The following CORIN variants were observed in gnomAD, a reference collection of about 807,000 sequenced individuals.
The protein encoded by CORIN is corin, serine peptidase, also known as atrial natriuretic peptide-converting enzyme.
Under a neutral mutation model 125.3 loss-of-function variants are expected in CORIN, and 117 were observed. The ratio of observed to expected loss-of-function variants is 0.93; its 90% CI spans 0.80 to 1.09. The LOEUF is 1.09. Among genes scored for constraint, CORIN ranks in the 50% least tolerant of loss-of-function variants. The pLI is 0.00. For synonymous variants in CORIN, 450 were observed against 466.4 expected (o/e 0.96, Z 0.45); for missense variants, 1,253 against 1,306.7 (o/e 0.96, Z 0.63).
At chr4:47,669,087 A>G (rs1277618590) in intron 10 of CORIN, among the ~76,000 whole-genome samples, 1 of 152,192 alleles carries the variant, frequency 6.6e-6, no homozygotes, top group African/African-American at 2.4e-5. Flanking sequence ...TGCTTCCGAT[A>G]TAAGTTTGAT....
At chr4:47,730,355 C>T (rs1431632547) in intron 5 of CORIN, among the ~76,000 whole-genome samples, 4 of 151,852 alleles carry the variant, frequency 2.6e-5, no homozygotes, top group Non-Finnish European at 5.9e-5. Context: ...TGCCTGTAGT[C>T]CTAGCTACTC....
intron 12 of CORIN, among the ~76,000 whole-genome samples, chr4:47,659,175 C>T (rs1038008788): frequency 3.9e-5 from 6 of 152,318 alleles, no homozygotes; most frequent in South Asian, 2.1e-4. Context: ...ATATCACTAT[C>T]GGAATTTTGG....
At chr4:47,816,109 C>G (rs1440283853) in intron 1 of CORIN, among the ~76,000 whole-genome samples, 1 of 152,174 alleles carries the variant, frequency 6.6e-6, no homozygotes, top group African/African-American at 2.4e-5. Context: ...ATTTTATGCT[C>G]TACAACAATT....
At chr4:47,664,909 T>A in intron 11 of CORIN, 123 bp downstream of exon 11, 1 of 587,760 alleles carries the variant, frequency 1.7e-6, no homozygotes, top group Admixed American at 3.3e-5. Context: ...TTGTTAAATA[T>A]AAAGTATTTG....
intron 5 of CORIN, among the ~76,000 whole-genome samples, chr4:47,722,162 A>C (rs1400255217): frequency 6.6e-6 from 1 of 152,224 alleles, no homozygotes; most frequent in Non-Finnish European, 1.5e-5. Flanking sequence ...TTCACACATA[A>C]GTTATCACTG....
intron 3 of CORIN, among the ~76,000 whole-genome samples, chr4:47,783,013 G>A (rs1315916516): frequency 2.0e-5 from 3 of 151,922 alleles, no homozygotes; most frequent in Non-Finnish European, 4.4e-5. Flanking sequence ...TATCAAAGAT[G>A]TGATAAGAGA....
chr4:47,602,129 G>C (rs1457522689), intron 20 of CORIN, among the ~76,000 whole-genome samples: 8 of 151,928 alleles, frequency 5.3e-5, no homozygotes, highest in Admixed American at 5.2e-4. Context: ...AAATTAGCCA[G>C]GCGTCATGGC....
At chr4:47,677,683 C>T (rs568082565) in intron 9 of CORIN, among the ~76,000 whole-genome samples, 5 of 152,284 alleles carry the variant, frequency 3.3e-5, no homozygotes, top group East Asian at 1.9e-4. Context: ...CTTTCCCCAT[C>T]GAACAGTTAA....
At chr4:47,644,086 C>T (rs1450733885) in intron 14 of CORIN, among the ~76,000 whole-genome samples, 2 of 152,160 alleles carry the variant, frequency 1.3e-5, no homozygotes, top group African/African-American at 4.8e-5. Context: ...GTTCTCCCTG[C>T]GTGGTGCTTC....
At chr4:47,725,246 CT>C (rs906924676) in intron 5 of CORIN, among the ~76,000 whole-genome samples, 27 of 148,632 alleles carry the variant, frequency 1.8e-4, no homozygotes, top group African/African-American at 3.2e-4. Context: ...TTTTGGAACA[CT>C]TTTTTTTTTG....
At chr4:47,831,861 T>C (rs1577961031) in intron 1 of CORIN, among the ~76,000 whole-genome samples, 1 of 151,980 alleles carries the variant, frequency 6.6e-6, no homozygotes, top group Non-Finnish European at 1.5e-5. Context: ...AAATCCAATA[T>C]GACTGATGTT....
rs114268327 is a variant in CORIN at position 47,799,823 on chromosome 4, A to C, written c.208+7080T>G. On this transcript the variant is annotated intron_variant, in intron 2 of 21. Transcript: ENST00000273857. Reference sequence around the variant, plus strand: ...ACAAATATTCATAACAGGATTATAGATAATAGCCAAAAGGTGGAAATAACC... The same window carrying C: ...ACAAATATTCATAACAGGATTATAGCTAATAGCCAAAAGGTGGAAATAACC... Among the ~76,000 whole-genome samples the C allele has an allele frequency of 7.5e-3, 1,137 of 152,332 alleles. 13 individuals are homozygous for C. Among genetic ancestry groups the C allele is most frequent in the African/African-American group, 0.026 (1,074 of 41,568 alleles).
At chr4:47,733,982 A>T (rs936127372) in intron 5 of CORIN, among the ~76,000 whole-genome samples, 1 of 152,142 alleles carries the variant, frequency 6.6e-6, no homozygotes, top group African/African-American at 2.4e-5. Context: ...CTCTGGAAAG[A>T]CACGTGAGAG....
Position 47,739,987 on chromosome 4 carries a change from CA to C in CORIN, c.799+4414del, listed in dbSNP as rs1381428012. Among the ~76,000 whole-genome samples, 8 of 151,540 alleles carry C rather than the reference CA, an allele frequency of 5.3e-5. 1 individual carries two copies. Among genetic ancestry groups the C allele is most frequent in the South Asian group, 4.2e-4 (2 of 4,788 alleles). ...ATGGCACACCCCAATATATCTAACA[CA>C]AAAAAAGTCAGTAATGAAGGATCAA... On this transcript the variant is annotated intron_variant, in intron 5 of 21. Transcript: ENST00000273857.
At chr4:47,771,748 C>G (rs1730041347) in intron 3 of CORIN, among the ~76,000 whole-genome samples, 1 of 152,124 alleles carries the variant, frequency 6.6e-6, no homozygotes, top group Non-Finnish European at 1.5e-5. Context: ...AACACAGTAA[C>G]TATTCTACTT....
chr4:47,816,059 C>G (rs964973488), intron 1 of CORIN, among the ~76,000 whole-genome samples: 4 of 152,172 alleles, frequency 2.6e-5, no homozygotes, highest in African/African-American at 9.7e-5. Context: ...TGACTTTCTA[C>G]AGCTGAAAAT....
At chr4:47,606,479 G>A (rs970031912) in intron 19 of CORIN, among the ~76,000 whole-genome samples, 2 of 152,058 alleles carry the variant, frequency 1.3e-5, no homozygotes, top group African/African-American at 4.8e-5. Context: ...AGCTGGTCTT[G>A]AACTCCTGAG....
chr4:47,599,465 C>T (rs1170654692), intron 21 of CORIN, among the ~76,000 whole-genome samples: 1 of 107,010 alleles, frequency 9.3e-6, no homozygotes, highest in Non-Finnish European at 2.1e-5. Flanking sequence ...AGGTGCTTCA[C>T]AGCAGCATAG....
chr4:47,609,687 C>T (rs1721800465), intron 19 of CORIN, among the ~76,000 whole-genome samples: 1 of 152,096 alleles, frequency 6.6e-6, no homozygotes, highest in Non-Finnish European at 1.5e-5. Flanking sequence ...GTTTGCTGCA[C>T]AGATCAACCC....
Sources: gnomAD v4.1 joint callset for allele counts (sites outside exome capture counted in the v4.1 genomes callset) on GRCh38, gnomAD v4.1.1 for gene constraint, MANE v1.5 for transcripts, NCBI Gene and HGNC (gene_info 2026-07-23, HGNC 2026-07-21) for gene names.